NRXN1: variants seen among roughly 807,000 people sequenced by gnomAD.
The protein encoded by NRXN1 is neurexin-1.
A neutral mutation model predicts 150.9 loss-of-function variants in NRXN1; 39 were observed. The observed-to-expected ratio is 0.26, with a 90% CI of 0.20 to 0.34. NRXN1 has a LOEUF of 0.34. Ranked by LOEUF, NRXN1 falls within the 10% of genes least tolerant of loss-of-function variation. NRXN1 has a pLI of 1.00. For synonymous variants in NRXN1, 924 were observed against 757.0 expected (o/e 1.22, Z -3.62); for missense variants, 1,815 against 1,949.9 (o/e 0.93, Z 1.30).
intron 19 of NRXN1, among the ~76,000 whole-genome samples, chr2:50,081,200 T>A (rs1377812162): frequency 6.6e-6 from 1 of 152,254 alleles, no homozygotes; most frequent in East Asian, 1.9e-4. Flanking sequence ...TTGACACCAG[T>A]GTATGATATT....
At chr2:50,064,925 G>A (rs946072148) in intron 19 of NRXN1, among the ~76,000 whole-genome samples, 9 of 152,142 alleles carry the variant, frequency 5.9e-5, no homozygotes, top group African/African-American at 2.2e-4. Flanking sequence ...GCAGCGAGGG[G>A]CTTGGATTGT....
intron 5 of NRXN1, among the ~76,000 whole-genome samples, chr2:50,720,197 T>C (rs1401507420): frequency 6.8e-6 from 1 of 146,294 alleles, no homozygotes; most frequent in Non-Finnish European, 1.5e-5. Context: ...GTCTTTCAAC[T>C]TTTTTTTTTT....
At chr2:50,273,821 A>G (rs752114116) in intron 17 of NRXN1, among the ~76,000 whole-genome samples, 4 of 152,170 alleles carry the variant, frequency 2.6e-5, no homozygotes, top group Admixed American at 2.0e-4. Context: ...CAAAACCACA[A>G]TGACATACCA....
At chr2:50,245,329 G>A (rs2066398580) in intron 17 of NRXN1, among the ~76,000 whole-genome samples, 1 of 151,866 alleles carries the variant, frequency 6.6e-6, no homozygotes, top group African/African-American at 2.4e-5. Context: ...ACAGCAAAGT[G>A]ATCTAGAATT....
At chr2:50,155,552 A>T (rs933378875) in intron 18 of NRXN1, among the ~76,000 whole-genome samples, 3 of 151,618 alleles carry the variant, frequency 2.0e-5, no homozygotes, top group African/African-American at 4.8e-5. Context: ...TTGTTATATA[A>T]TTTGGTAAGA....
At chr2:50,156,228 C>T (rs373657800) in intron 18 of NRXN1, among the ~76,000 whole-genome samples, 16 of 151,740 alleles carry the variant, frequency 1.1e-4, no homozygotes, top group African/African-American at 3.9e-4. Context: ...TGAAGATACC[C>T]TGAAAATACA....
chr2:50,632,341 T>A (rs768492424), intron 5 of NRXN1: 1 of 152,006 alleles, frequency 6.6e-6, no homozygotes, highest in African/African-American at 2.4e-5. Context: ...TTTTTTAATA[T>A]ACACAGATGA....
intron 5 of NRXN1, among the ~76,000 whole-genome samples, chr2:50,857,008 T>C (rs1402019821): frequency 1.3e-5 from 2 of 152,134 alleles, no homozygotes; most frequent in African/African-American, 4.8e-5. Flanking sequence ...AGGGCCAGTA[T>C]TCTACATTTA....
At chr2:50,063,547 G>GACACAC (rs3046664) in intron 19 of NRXN1, among the ~76,000 whole-genome samples, 28,538 of 137,370 alleles carry the variant, frequency 0.21, 3,024 homozygotes, top group Middle Eastern at 0.37. Flanking sequence ...CACCTCAACA[G>GACACAC]ACACACACAC....
At chr2:50,768,143 C>A (rs1702580264) in intron 5 of NRXN1, among the ~76,000 whole-genome samples, 1 of 152,094 alleles carries the variant, frequency 6.6e-6, no homozygotes, top group African/African-American at 2.4e-5. Flanking sequence ...AGTCTGACTG[C>A]AGTTCTTTCT....
intron 5 of NRXN1, among the ~76,000 whole-genome samples, chr2:50,695,840 G>A (rs1574134996): frequency 9.3e-6 from 1 of 107,124 alleles, no homozygotes; most frequent in Admixed American, 1.2e-4. Flanking sequence ...GAGTGACTCT[G>A]ATTTTTTTTT....
chr2:50,549,622 G>A (rs1043434203), intron 9 of NRXN1, among the ~76,000 whole-genome samples: 3 of 152,036 alleles, frequency 2.0e-5, no homozygotes. Context: ...ATACAGAATT[G>A]AGCTTTGTAA....
chr2:50,927,825 G>A (rs1256212287), intron 2 of NRXN1, among the ~76,000 whole-genome samples: 1 of 152,018 alleles, frequency 6.6e-6, no homozygotes, highest in Non-Finnish European at 1.5e-5. Flanking sequence ...ATATGGTTGT[G>A]AGGAGCAGTG....
chr2:50,856,989 T>C (rs533153797), intron 5 of NRXN1, among the ~76,000 whole-genome samples: 3 of 152,214 alleles, frequency 2.0e-5, no homozygotes, highest in South Asian at 4.1e-4. Context: ...CCCTTTTACA[T>C]TGCTATCAAG....
At position 50,350,672 on chromosome 2, in the gene NRXN1, C is replaced by T. The variant is rs1043940185; in HGVS notation, c.3365-113702G>A. 5.6e-4 allele frequency among the ~76,000 whole-genome samples: 85 copies of T among 152,252 alleles called. 1 individual carries two copies. The highest frequency in any genetic ancestry group is 2.0e-3 in the African/African-American group (83 of 41,548). On this transcript the variant is annotated intron_variant, in intron 17 of 22. Transcript: ENST00000401669. ...GGAAAAGCCATAGAAATAGAATAAG[C>T]GTAGAAGATTGTGAATAACCTTCCC...
intron 18 of NRXN1, among the ~76,000 whole-genome samples, chr2:50,231,725 A>G (rs922912748): frequency 6.6e-6 from 1 of 152,124 alleles, no homozygotes; most frequent in Admixed American, 6.6e-5. Flanking sequence ...TATTTGTGGT[A>G]GTGAATGCAT....
chr2:50,561,015 T>C (rs1288625881), intron 8 of NRXN1, among the ~76,000 whole-genome samples: 1 of 152,202 alleles, frequency 6.6e-6, no homozygotes, highest in African/African-American at 2.4e-5. Flanking sequence ...ATATTTTGTT[T>C]ACACAACAAA....
intron 8 of NRXN1, among the ~76,000 whole-genome samples, chr2:50,555,633 T>G (rs1668123725): frequency 6.6e-6 from 1 of 152,200 alleles, no homozygotes; most frequent in Non-Finnish European, 1.5e-5. Context: ...AATAAATATT[T>G]GTTTATAGTT....
At chr2:50,304,411 T>C (rs1209145898) in intron 17 of NRXN1, among the ~76,000 whole-genome samples, 1 of 152,216 alleles carries the variant, frequency 6.6e-6, no homozygotes, top group Non-Finnish European at 1.5e-5. Context: ...ATACTCCAGA[T>C]ATCAAAAACA....
Sources: allele counts gnomAD v4.1 joint callset (sites outside exome capture counted in the v4.1 genomes callset), GRCh38; gene constraint gnomAD v4.1.1; transcripts MANE v1.5; gene names NCBI Gene and HGNC (gene_info 2026-07-23, HGNC 2026-07-21).